Variants in DCC observed in about 807,000 individuals in gnomAD.
DCC encodes DCC netrin 1 receptor, also known as netrin receptor DCC.
Under a neutral mutation model 172.5 loss-of-function variants are expected in DCC, and 58 were observed. That is an observed-to-expected ratio of 0.34 (90% CI 0.27 to 0.42). The LOEUF (loss-of-function observed/expected upper bound fraction) is 0.42. Ranked by LOEUF, DCC falls within the 10% of genes least tolerant of loss-of-function variation. The pLI, the probability that DCC is intolerant of heterozygous loss-of-function variation, is 1.00. For synonymous variants in DCC, 709 were observed against 644.5 expected (o/e 1.10, Z -1.52); for missense variants, 1,740 against 1,791.0 (o/e 0.97, Z 0.51).
intron 21 of DCC, among the ~76,000 whole-genome samples, chr18:53,420,102 G>C (rs958538947): frequency 6.6e-6 from 1 of 152,114 alleles, no homozygotes; most frequent in Non-Finnish European, 1.5e-5. Context: ...TGATCCGCCT[G>C]TCTTGGCCTC....
chr18:53,434,686 G>A (rs1462020854), intron 21 of DCC, among the ~76,000 whole-genome samples: 1 of 152,082 alleles, frequency 6.6e-6, no homozygotes, highest in Non-Finnish European at 1.5e-5. Flanking sequence ...AATACCCAAA[G>A]CCCAGTTATA....
chr18:52,629,782 C>A (rs1280517519), intron 1 of DCC, among the ~76,000 whole-genome samples: 1 of 151,980 alleles, frequency 6.6e-6, no homozygotes. Context: ...AACCCCGTCT[C>A]TACTAAAAAC....
intron 7 of DCC, among the ~76,000 whole-genome samples, chr18:53,085,983 CTT>C (rs1387836357): frequency 1.6e-5 from 1 of 62,662 alleles, no homozygotes; most frequent in Non-Finnish European, 3.0e-5. Flanking sequence ...TCTTCTTCTT[CTT>C]CTTCTCCTTC....
intron 17 of DCC, among the ~76,000 whole-genome samples, chr18:53,394,150 A>G (rs1908762508): frequency 6.6e-6 from 1 of 152,200 alleles, no homozygotes; most frequent in African/African-American, 2.4e-5. Flanking sequence ...ATGTACATGG[A>G]GCCACATGAC....
chr18:52,668,179 C>T (rs1034414537), intron 1 of DCC, among the ~76,000 whole-genome samples: 1 of 151,996 alleles, frequency 6.6e-6, no homozygotes, highest in Non-Finnish European at 1.5e-5. Context: ...GTTGTGTAGA[C>T]AATGGAAAAG....
chr18:52,451,998 G>C (rs540545583), intron 1 of DCC, among the ~76,000 whole-genome samples: 1 of 152,230 alleles, frequency 6.6e-6, no homozygotes, highest in South Asian at 2.1e-4. Context: ...GCAATGTCAC[G>C]GCTTGTTGAT....
At position 52,340,445 on chromosome 18, in the gene DCC, T is replaced by C. The variant is rs1343520587; in HGVS notation, c.-343T>C. Reference sequence around the variant, plus strand: ...GTCCCTCCTGGATGTGGTTTATTGATGACTTGCGAGCCCCTCAGAGAGCTG... The same window carrying C: ...GTCCCTCCTGGATGTGGTTTATTGACGACTTGCGAGCCCCTCAGAGAGCTG... On this transcript the variant is annotated 5_prime_UTR_variant, in exon 1 of 29. The change abolishes an upstream ATG in the 5' untranslated region. Coordinates refer to ENST00000442544, the MANE Select transcript of DCC (RefSeq NM_005215.4). 2.5e-6 allele frequency: 1 copy of C among 399,404 alleles called. No individual in the cohort carries two copies. Among genetic ancestry groups the C allele is most frequent in the Non-Finnish European group, 4.7e-6 (1 of 212,364 alleles). 24.7% of individuals were successfully genotyped at this position (399,404 alleles called of 1,614,324 possible).
At chr18:53,048,024 C>T (rs2042280424) in intron 5 of DCC, among the ~76,000 whole-genome samples, 1 of 151,704 alleles carries the variant, frequency 6.6e-6, no homozygotes, top group Non-Finnish European at 1.5e-5. Flanking sequence ...ATGACATTTC[C>T]CCACACTATT....
chr18:53,180,401 C>T (rs1465042725), intron 9 of DCC, among the ~76,000 whole-genome samples: 1 of 152,112 alleles, frequency 6.6e-6, no homozygotes, highest in Non-Finnish European at 1.5e-5. Context: ...AATGCAGGCC[C>T]CCAGGCATAA....
chr18:52,977,419 G>A (rs568430417), intron 5 of DCC, among the ~76,000 whole-genome samples: 1 of 152,252 alleles, frequency 6.6e-6, no homozygotes, highest in East Asian at 1.9e-4. Flanking sequence ...CCAATGCACA[G>A]CCTGAATTGA....
intron 12 of DCC, among the ~76,000 whole-genome samples, chr18:53,241,981 T>A (rs1162879404): frequency 6.6e-6 from 1 of 152,170 alleles, no homozygotes; most frequent in Non-Finnish European, 1.5e-5. Flanking sequence ...TGATTTTATA[T>A]TTAGAAAACC....
chr18:53,235,054 T>C (rs1378771206), intron 12 of DCC, among the ~76,000 whole-genome samples: 1 of 152,208 alleles, frequency 6.6e-6, no homozygotes, highest in Non-Finnish European at 1.5e-5. Flanking sequence ...ATGTTAATGA[T>C]GTTATTTAAA....
At chr18:52,616,842 G>T (rs1483376228) in intron 1 of DCC, among the ~76,000 whole-genome samples, 1 of 152,104 alleles carries the variant, frequency 6.6e-6, no homozygotes, top group African/African-American at 2.4e-5. Context: ...GGTGTGGGAG[G>T]GAAGTAGAAT....
chr18:52,623,892 C>G (rs958349403), intron 1 of DCC, among the ~76,000 whole-genome samples: 1 of 152,104 alleles, frequency 6.6e-6, no homozygotes, highest in African/African-American at 2.4e-5. Flanking sequence ...AGGATTTGGG[C>G]ATTAATCAGC....
At chr18:53,340,047 TACAC>T (rs151131015) in intron 15 of DCC, 140 bp downstream of exon 15, 965 of 587,400 alleles carry the variant, frequency 1.6e-3, no homozygotes, top group East Asian at 2.2e-3. Flanking sequence ...ACTGTCTATC[TACAC>T]ACACACACAC....
intron 22 of DCC, among the ~76,000 whole-genome samples, chr18:53,447,785 A>C (rs1912706830): frequency 6.6e-6 from 1 of 152,214 alleles, no homozygotes; most frequent in African/African-American, 2.4e-5. Flanking sequence ...ATACTACTGT[A>C]AAATAACTTT....
At chr18:52,845,612 C>T (rs1340578909) in intron 2 of DCC, among the ~76,000 whole-genome samples, 2 of 152,148 alleles carry the variant, frequency 1.3e-5, no homozygotes, top group Non-Finnish European at 2.9e-5. Flanking sequence ...GGGATCATGC[C>T]CAAGTTCAAG....
Position 52,690,061 on chromosome 18 carries a change from G to A in DCC, c.92-61993G>A, listed in dbSNP as rs190700642. 1.7e-4 allele frequency among the ~76,000 whole-genome samples: 26 copies of A among 152,246 alleles called. 1 individual carries two copies. The highest frequency in any genetic ancestry group is 5.3e-4 in the African/African-American group (22 of 41,566). ...GAAGAAGATCCACAAGCTCAGTCAA[G>A]CCTTCAAATGACTGTAGCCCAGACT... On this transcript the variant is annotated intron_variant, in intron 1 of 28. Transcript: ENST00000442544.
chr18:52,906,031 G>A lies in DCC; in HGVS notation c.413-13G>A, dbSNP rs770118317. 1 of 1,570,766 alleles carries A rather than the reference G, an allele frequency of 6.4e-7. No individual in the cohort carries two copies. The highest frequency in any genetic ancestry group is 8.8e-7 in the Non-Finnish European group (1 of 1,140,614). On this transcript the variant is annotated splice_polypyrimidine_tract_variant and intron_variant, in intron 2 of 28. Transcript: ENST00000442544. Reference sequence around the variant, plus strand: ...TTGGAAGACTTATTCTTCCTTCTTTGTTTTTCTCCTAGGACCACTGAGGTT... The same window carrying A: ...TTGGAAGACTTATTCTTCCTTCTTTATTTTTCTCCTAGGACCACTGAGGTT...
Sources: allele counts gnomAD v4.1 joint callset (sites outside exome capture counted in the v4.1 genomes callset), GRCh38; gene constraint gnomAD v4.1.1; transcripts MANE v1.5; gene names NCBI Gene and HGNC (gene_info 2026-07-23, HGNC 2026-07-21).